EPB41L3: variants seen among roughly 807,000 people sequenced by gnomAD.
EPB41L3 encodes the protein erythrocyte membrane protein band 4.1 like 3.
EPB41L3 carries 57 observed loss-of-function variants against 127.1 expected under a neutral mutation model. The ratio of observed to expected loss-of-function variants is 0.45; its 90% CI spans 0.36 to 0.56. The LOEUF (loss-of-function observed/expected upper bound fraction) is 0.56, where lower values mean the gene tolerates loss of function less well. Ranked by LOEUF, EPB41L3 falls within the 20% of genes least tolerant of loss-of-function variation. The probability of loss-of-function intolerance (pLI) is 0.00; values close to 1 mark genes in which losing one functional copy is unlikely to be tolerated. For synonymous variants in EPB41L3, 572 were observed against 549.5 expected, an observed-to-expected ratio of 1.04 and a Z score of -0.57; for missense variants, 1,273 against 1,372.2, an observed-to-expected ratio of 0.93 and a Z score of 1.14.
intron 2 of EPB41L3, among the ~76,000 whole-genome samples, chr18:5,613,339 T>C (rs1286157410): frequency 6.6e-6 from 1 of 152,142 alleles, no homozygotes; most frequent in African/African-American, 2.4e-5. Context: ...CAATTCAGAG[T>C]GAACTTTCGA....
At chr18:5,540,725 C>T (rs955784192) in intron 1 of EPB41L3, among the ~76,000 whole-genome samples, 2 of 152,086 alleles carry the variant, frequency 1.3e-5, no homozygotes, top group African/African-American at 4.8e-5. Context: ...CTATATTTCA[C>T]GGAAAACTGA....
intron 1 of EPB41L3, among the ~76,000 whole-genome samples, chr18:5,498,320 G>A (rs991164576): frequency 4.6e-5 from 7 of 152,204 alleles, no homozygotes; most frequent in Admixed American, 2.0e-4. Flanking sequence ...ACGGCTGGGC[G>A]CCGTGGCTCA....
At chr18:5,485,552 T>C (rs1427732732) in intron 2 of EPB41L3, among the ~76,000 whole-genome samples, 1 of 151,954 alleles carries the variant, frequency 6.6e-6, no homozygotes, top group Non-Finnish European at 1.5e-5. Context: ...AGAAGTCAAC[T>C]TAGTCTTGTT....
At chr18:5,606,894 CTCTCTCTCTCTCTCTCTCTCTG>C (rs1299668679) in intron 3 of EPB41L3, among the ~76,000 whole-genome samples, 78 of 151,824 alleles carry the variant, frequency 5.1e-4, no homozygotes, top group Non-Finnish European at 2.5e-4. Context: ...CTCTCTCTCT[CTCTCTCTCTCTCTCTCTCTCTG>C]TCTCTCTCTC....
chr18:5,559,487 C>A (rs2094091695), intron 3 of EPB41L3, among the ~76,000 whole-genome samples: 1 of 152,082 alleles, frequency 6.6e-6, no homozygotes, highest in Non-Finnish European at 1.5e-5. Flanking sequence ...CAAAAAATGG[C>A]AATTTTTTGT....
At chr18:5,425,092 A>C (rs1197747466) in intron 9 of EPB41L3, among the ~76,000 whole-genome samples, 2 of 152,322 alleles carry the variant, frequency 1.3e-5, no homozygotes, top group East Asian at 3.9e-4. Context: ...ATTCTGAAGA[A>C]GGTACACATC....
Position 5,406,983 on chromosome 18 carries a change from TA to T in EPB41L3, c.2158-16del, listed in dbSNP as rs1222844707. On this transcript the variant is annotated splice_polypyrimidine_tract_variant and intron_variant, in intron 15 of 22. Coordinates refer to ENST00000341928, the MANE Select transcript of EPB41L3 (RefSeq NM_012307.5). ...TTTTCTAGCTCCTATATTCAGAACA[TA>T]AAGTATCCAACAGTCAATGTTTTAC... 1 of 1,608,466 alleles carries T rather than the reference TA, an allele frequency of 6.2e-7. No individual in the cohort carries two copies. The highest frequency in any genetic ancestry group is 8.5e-7 in the Non-Finnish European group (1 of 1,174,842).
intron 5 of EPB41L3, among the ~76,000 whole-genome samples, chr18:5,441,462 ATTT>A (rs201943060): frequency 7.2e-5 from 10 of 139,730 alleles, no homozygotes; most frequent in African/African-American, 8.1e-5. Context: ...TCGAATTCCA[ATTT>A]TTTTTTTTTT....
At chr18:5,401,740 T>TCAA (rs1341151268) in intron 16 of EPB41L3, among the ~76,000 whole-genome samples, 1 of 152,176 alleles carries the variant, frequency 6.6e-6, no homozygotes, top group Non-Finnish European at 1.5e-5. Flanking sequence ...ATTAAGTATT[T>TCAA]CATGTTAGGA....
At position 5,506,312 on chromosome 18, in the gene EPB41L3, C is replaced by T. The variant is rs772839817; in HGVS notation, c.-11-17118G>A. Reference sequence around the variant, plus strand: ...TAGAGTAAGCTCCACTGTCTGGATACGCTGGCCTGAAAGAGCGCTACTCCA... The same window carrying T: ...TAGAGTAAGCTCCACTGTCTGGATATGCTGGCCTGAAAGAGCGCTACTCCA... On this transcript the variant is annotated intron_variant, in intron 1 of 22. Transcript: ENST00000341928. Among the ~76,000 whole-genome samples, 45 of 152,264 alleles carry T rather than the reference C, an allele frequency of 3.0e-4. 1 individual carries two copies. The highest frequency in any genetic ancestry group is 3.6e-4 in the African/African-American group (15 of 41,556).
intron 6 of EPB41L3, 74 bp from the exon 7 acceptor site, chr18:5,434,195 T>C (rs1598882474): frequency 1.1e-5 from 14 of 1,243,724 alleles, no homozygotes; most frequent in Non-Finnish European, 1.5e-5. Context: ...TTGGTAAAAA[T>C]CGTGGGCAAA....
intron 3 of EPB41L3, among the ~76,000 whole-genome samples, chr18:5,606,134 T>A (rs536012129): frequency 2.6e-5 from 4 of 152,236 alleles, no homozygotes; most frequent in South Asian, 4.2e-4. Flanking sequence ...CTTGGCCAAT[T>A]TTTTTAAGAT....
chr18:5,554,299 G>C (rs1039126198), intron 3 of EPB41L3, among the ~76,000 whole-genome samples: 3 of 152,202 alleles, frequency 2.0e-5, no homozygotes, highest in Non-Finnish European at 2.9e-5. Context: ...GCCTGGCATG[G>C]AGAAGGCATT....
intron 13 of EPB41L3, among the ~76,000 whole-genome samples, chr18:5,413,200 A>T (rs1386747009): frequency 6.6e-6 from 1 of 152,208 alleles, no homozygotes; most frequent in African/African-American, 2.4e-5. Flanking sequence ...ATTTGAACTT[A>T]TCTCTATTTT....
chr18:5,527,413 C>T (rs1444559974), intron 1 of EPB41L3, among the ~76,000 whole-genome samples: 1 of 149,834 alleles, frequency 6.7e-6, no homozygotes, highest in Non-Finnish European at 1.5e-5. Flanking sequence ...GACTGAGCTG[C>T]AATTTTCCCT....
Position 5,397,002 on chromosome 18 carries a change from A to G in EPB41L3, c.2841+56T>C. 1 of 1,503,850 alleles carries G rather than the reference A, an allele frequency of 6.6e-7. No homozygotes were observed. Among genetic ancestry groups the G allele is most frequent in the Non-Finnish European group, 8.9e-7 (1 of 1,127,112 alleles). 93.2% of individuals were successfully genotyped at this position (1,503,850 alleles called of 1,614,324 possible). On this transcript the variant is annotated intron_variant, in intron 18 of 22. Coordinates refer to ENST00000341928, the MANE Select transcript of EPB41L3 (RefSeq NM_012307.5). The surrounding 1 kb of genome is among the most constrained non-coding windows in gnomAD (Gnocchi z 4.1). ...CACCTTTATGCTGATCTAAATTTCC[A>G]GGCATCCTATATCAGTTTTATTTTA... is the stretch of plus-strand genomic sequence containing the variant.
intron 1 of EPB41L3, among the ~76,000 whole-genome samples, chr18:5,510,821 A>G (rs9958170): frequency 0.2 from 30,298 of 152,054 alleles, 3,180 homozygotes; most frequent in African/African-American, 0.25. Flanking sequence ...AGTATACCCC[A>G]TCACCCTCAA....
At chr18:5,535,634 C>T (rs1382042759) in intron 1 of EPB41L3, among the ~76,000 whole-genome samples, 6 of 152,258 alleles carry the variant, frequency 3.9e-5, no homozygotes, top group African/African-American at 1.4e-4. Context: ...CCTCTAGATG[C>T]CCCGATGGCA....
intron 5 of EPB41L3, among the ~76,000 whole-genome samples, chr18:5,443,393 T>C (rs2081056887): frequency 6.6e-6 from 1 of 152,252 alleles, no homozygotes; most frequent in South Asian, 2.1e-4. Flanking sequence ...GTTTGGTCCA[T>C]TAAAATACGT....
Sources: gnomAD v4.1 joint callset for allele counts (sites outside exome capture counted in the v4.1 genomes callset) on GRCh38, gnomAD v4.1.1 for gene constraint, Gnocchi (gnomAD v3.1) non-coding constraint, MANE v1.5 for transcripts, NCBI Gene and HGNC (gene_info 2026-07-23, HGNC 2026-07-21) for gene names.